TRIM10: variants seen among roughly 807,000 people sequenced by gnomAD.
TRIM10 encodes tripartite motif-containing protein 10.
TRIM10 carries 42 observed loss-of-function variants against 40.0 expected under a neutral mutation model. The ratio of observed to expected loss-of-function variants is 1.05; its 90% CI spans 0.82 to 1.36. The LOEUF (loss-of-function observed/expected upper bound fraction) is 1.36. Among genes scored for constraint, TRIM10 ranks in the 40% most tolerant of loss-of-function variants. The pLI is 0.00. For missense variants in TRIM10, 601 were observed against 608.3 expected, an observed-to-expected ratio of 0.99 and a Z score of 0.13; for synonymous variants, 260 against 239.5, an observed-to-expected ratio of 1.09 and a Z score of -0.79.
At chr6:30,162,004 G>A (rs1773132795), upstream of TRIM10, among the ~76,000 whole-genome samples, 1 of 152,060 alleles carries the variant, frequency 6.6e-6, no homozygotes, top group Non-Finnish European at 1.5e-5. Flanking sequence ...GGCCGGGCGC[G>A]GTGGCTCACG....
rs1772747745 is a variant in TRIM10, at chr6:30,158,298, A to T, written c.756+101T>A. ...TCCTCTGACCCACCTCCCATCTGGG[A>T]TACAGAGATGTGTGAGTCAGGGAGA... On this transcript the variant is annotated intron_variant, in intron 3 of 6. Transcript: ENST00000449742. 3.0e-6 allele frequency: 3 copies of T among 1,000,188 alleles called. No homozygotes were observed. In the African/African-American group the frequency reaches 4.7e-5, roughly 16 times the overall value. 62.0% of individuals were successfully genotyped at this position (1,000,188 alleles called of 1,614,324 possible). A position where few individuals can be genotyped will look rare whatever the true frequency, so the allele number is the denominator to read the frequency against.
At position 30,153,937 on chromosome 6, in the gene TRIM10, G is replaced by A. The variant is rs1386762943; in HGVS notation, c.*32C>T. On this transcript the variant is annotated 3_prime_UTR_variant, in exon 7 of 7. Transcript: ENST00000449742. ...TGGTACTTGGGTTGATATGAGTCCT[G>A]TACTTAGAGGAGAGTAGGTAACTGC... 6 of 1,579,426 alleles carry A rather than the reference G, an allele frequency of 3.8e-6. No homozygotes were observed. The African/African-American group carries it at 5.4e-5, about 14-fold the overall frequency.
At chr6:30,158,322 G>A (rs758037512) in intron 3 of TRIM10, 77 bp downstream of exon 3, 32 of 1,248,182 alleles carry the variant, frequency 2.6e-5, no homozygotes, top group Non-Finnish European at 3.8e-5. Flanking sequence ...GAGTCAGGGA[G>A]ACATGGCTTA....
chr6:30,160,333 GA>G, intron 1 of TRIM10, 96 bp downstream of exon 1: 1 of 1,349,202 alleles, frequency 7.4e-7, no homozygotes, highest in East Asian at 2.4e-5. Flanking sequence ...TAAGGAGAAA[GA>G]ATTTGGCCTC....
At chr6:30,162,512 G>C (rs1773200403), upstream of TRIM10, among the ~76,000 whole-genome samples, 1 of 152,038 alleles carries the variant, frequency 6.6e-6, no homozygotes, top group Non-Finnish European at 1.5e-5. Context: ...AGTAAAAAGG[G>C]AGCAACCACA....
chr6:30,158,780 T>C, intron 2 of TRIM10, 151 bp from the exon 3 acceptor site: 4 of 712,552 alleles, frequency 5.6e-6, no homozygotes, highest in Non-Finnish European at 7.2e-6. Flanking sequence ...CTCACAGTGT[T>C]GTCTCAGCAC....
intron 1 of TRIM10, among the ~76,000 whole-genome samples, chr6:30,159,448 C>G (rs554931689): frequency 1.1e-3 from 165 of 152,206 alleles, no homozygotes; most frequent in Non-Finnish European, 1.0e-3. Context: ...GACTTTGGAT[C>G]AGGACTTTCC....
At chr6:30,163,673 G>T, upstream of TRIM10, 1 of 1,592,020 alleles carries the variant, frequency 6.3e-7, no homozygotes, top group Non-Finnish European at 8.6e-7. Flanking sequence ...ACGGGCTGGG[G>T]AAGGCACCGT....
rs918148750 is a variant in TRIM10 at position 30,152,497 on chromosome 6, C to T, written c.*1472G>A. The T allele has an allele frequency of 1.1e-4, 17 of 152,036 alleles. No homozygotes were observed. The highest frequency in any genetic ancestry group is 4.1e-4 in the African/African-American group (17 of 41,368). The allele number at this position is 152,036 out of a possible 1,614,324, so 9.4% of individuals were successfully genotyped here. ...AGGGAAAGCAATTCAATCTCTAATC[C>T]CTGGCTTCTGATCTCCACCTCTTTT... On this transcript the variant is annotated 3_prime_UTR_variant, in exon 7 of 7. Transcript: ENST00000449742.
rs150664309 is a variant in TRIM10 at position 30,160,532 on chromosome 6, G to A, written c.327C>T (p.Phe109=). ...ACAACTGCATCTCATCATCCTCACA[G>A]AAGAAGTAGATCTTCTCTCCGTGCT... is the stretch of plus-strand genomic sequence containing the variant. The part of the protein sequence containing the change: ...CQEHGEKIYF[F]CEDDEMQLCV... The change falls in exon 1 of 7, where the codon TTC becomes TTT. Residue 109 remains phenylalanine (F), a synonymous_variant. Coordinates refer to ENST00000449742, the MANE Select transcript of TRIM10 (RefSeq NM_006778.4). The A allele has an allele frequency of 1.9e-6, 3 of 1,614,072 alleles. No individual in the cohort carries two copies. The highest frequency in any genetic ancestry group is 2.7e-5 in the African/African-American group (2 of 74,922).
Position 30,160,896 on chromosome 6 carries a change from C to G in TRIM10, c.-38G>C. ...GCTATGGCTTCCTCAAGGCCACTCT[C>G]TCTGCTTGGCCACGGGGGAAGGGCT... is the stretch of plus-strand genomic sequence containing the variant. On this transcript the variant is annotated 5_prime_UTR_variant, in exon 1 of 7. Transcript: ENST00000449742. The G allele has an allele frequency of 1.9e-6, 3 of 1,546,318 alleles. No homozygotes were observed. The highest frequency in any genetic ancestry group is 2.6e-6 in the Non-Finnish European group (3 of 1,150,206).
At position 30,155,738 on chromosome 6, in the gene TRIM10, T is replaced by C; in HGVS notation, c.917A>G (p.Asp306Gly). 6.2e-7 allele frequency: 1 copy of C among 1,613,616 alleles called. No homozygotes were observed. Among genetic ancestry groups the C allele is most frequent in the Non-Finnish European group, 8.5e-7 (1 of 1,179,886 alleles). The change falls in exon 6 of 7, where the codon GAC becomes GGC. Residue 306 changes from aspartate to glycine, a missense_variant. Coordinates refer to ENST00000449742, the MANE Select transcript of TRIM10 (RefSeq NM_006778.4). ...CATAGGCTCCTTACCTGGCTCATAG[T>C]CCAACTCAAAGCATAGTTTTTCTGT... Reference protein sequence around the residue: ...MFLEKLCFELDYEPAHISLDP... With the variant: ...MFLEKLCFELGYEPAHISLDP...
chr6:30,159,279 A>G (rs1394927191), intron 1 of TRIM10, 34 bp from the exon 2 acceptor site: 2 of 1,475,578 alleles, frequency 1.4e-6, no homozygotes, highest in South Asian at 1.1e-5. Context: ...CTCAAGATGG[A>G]AAATGATTTG....
At chr6:30,162,007 G>T (rs1014204821), upstream of TRIM10, among the ~76,000 whole-genome samples, 7 of 151,876 alleles carry the variant, frequency 4.6e-5, no homozygotes, top group African/African-American at 1.7e-4. Flanking sequence ...CGGGCGCGGT[G>T]GCTCACGCCT....
Position 30,153,883 on chromosome 6 carries a change from AG to A in TRIM10, c.*85del. 6.3e-7 allele frequency: 1 copy of A among 1,590,216 alleles called. No homozygotes were observed. Among genetic ancestry groups the A allele is most frequent in the South Asian group, 1.1e-5 (1 of 87,660 alleles). On this transcript the variant is annotated 3_prime_UTR_variant, in exon 7 of 7. Coordinates refer to ENST00000449742, the MANE Select transcript of TRIM10 (RefSeq NM_006778.4). ...CAGTCATTTCTATTCCAAGTCATCC[AG>A]GTGATTCAGCCAGGGATCAAGTCCA...
rs1772099737 is a variant in TRIM10, at chr6:30,152,435, G to C, written c.*1534C>G. On this transcript the variant is annotated 3_prime_UTR_variant, in exon 7 of 7. Coordinates refer to ENST00000449742, the MANE Select transcript of TRIM10 (RefSeq NM_006778.4). ...CACTTGTGTGTGTCTGTATTTTTTT[G>C]AATATACAACATTTTAATGAGATAC... 2.0e-5 allele frequency: 3 copies of C among 152,078 alleles called. No homozygotes were observed. The highest frequency in any genetic ancestry group is 7.2e-5 in the African/African-American group (3 of 41,398). 9.4% of individuals were successfully genotyped at this position (152,078 alleles called of 1,614,324 possible). A position where few individuals can be genotyped will look rare whatever the true frequency, so the allele number is the denominator to read the frequency against.
At position 30,157,358 on chromosome 6, in the gene TRIM10, A is replaced by T; in HGVS notation, c.779+11T>A. ...TATGGAAAAAGAAAAGAGAGAAACT[A>T]TATTGCTTACCTTATTAGAGTGCTT... On this transcript the variant is annotated intron_variant, in intron 4 of 6. Coordinates refer to ENST00000449742, the MANE Select transcript of TRIM10 (RefSeq NM_006778.4). 1 of 1,597,612 alleles carries T rather than the reference A, an allele frequency of 6.3e-7. No individual in the cohort carries two copies. The highest frequency in any genetic ancestry group is 8.5e-7 in the Non-Finnish European group (1 of 1,174,130).
At position 30,160,484 on chromosome 6, in the gene TRIM10, C is replaced by G; in HGVS notation, c.375G>C (p.Gly125=). The change falls in exon 1 of 7, where the codon GGG becomes GGC. Residue 125 remains glycine, a synonymous_variant. Coordinates refer to ENST00000449742, the MANE Select transcript of TRIM10 (RefSeq NM_006778.4). ...MQLCVVCREA[G]EHATHTMRFL... ...AGCGCATGGTGTGGGTAGCGTGCTC[C>G]CCAGCCTCCCGGCACACCACGCACA... 1 of 1,614,166 alleles carries G rather than the reference C, an allele frequency of 6.2e-7. No individual in the cohort carries two copies. Among genetic ancestry groups the G allele is most frequent in the Non-Finnish European group, 8.5e-7 (1 of 1,180,036 alleles).
intron 6 of TRIM10, among the ~76,000 whole-genome samples, chr6:30,155,078 C>G (rs747608904): frequency 2.6e-5 from 4 of 152,152 alleles, no homozygotes; most frequent in Non-Finnish European, 5.9e-5. Flanking sequence ...TGCTGCAGAG[C>G]CTTGCGTTTT....
Sources: allele counts gnomAD v4.1 joint callset (sites outside exome capture counted in the v4.1 genomes callset), GRCh38; gene constraint gnomAD v4.1.1; transcripts MANE v1.5; gene names NCBI Gene and HGNC (gene_info 2026-07-23, HGNC 2026-07-21).